The following AMOTL1 variants were observed in gnomAD, a reference collection of about 807,000 sequenced individuals.
AMOTL1 encodes angiomotin-like protein 1.
A neutral mutation model predicts 102.9 loss-of-function variants in AMOTL1; 45 were observed. The ratio of observed to expected loss-of-function variants is 0.44; its 90% CI spans 0.34 to 0.56. AMOTL1 has a LOEUF of 0.56. AMOTL1 is among the 20% of genes least tolerant of loss of function. The probability of loss-of-function intolerance (pLI) is 0.01; values close to 1 mark genes in which losing one functional copy is unlikely to be tolerated. For synonymous variants in AMOTL1, 481 were observed against 484.7 expected (o/e 0.99, Z 0.10); for missense variants, 1,114 against 1,225.6 (o/e 0.91, Z 1.36).
chr11:94,807,111 A>C (rs1403629101), intron 3 of AMOTL1, among the ~76,000 whole-genome samples: 1 of 152,174 alleles, frequency 6.6e-6, no homozygotes, highest in Non-Finnish European at 1.5e-5. Context: ...AAACATATTC[A>C]TTGCACAAAA....
intron 1 of AMOTL1, among the ~76,000 whole-genome samples, chr11:94,778,990 T>C (rs1951067345): frequency 6.6e-6 from 1 of 152,186 alleles, no homozygotes; most frequent in Admixed American, 6.5e-5. Context: ...ATTTTGGAAG[T>C]CACGTAGGGT....
At chr11:94,756,663 T>C (rs1452235205) in intron 3 of AMOTL1, among the ~76,000 whole-genome samples, 2 of 152,244 alleles carry the variant, frequency 1.3e-5, no homozygotes, top group Non-Finnish European at 2.9e-5. Flanking sequence ...CTCATTTCTT[T>C]CTAAAAGATT....
At chr11:94,750,819 GTTCAGCGTTGTTACAC>G (rs1359872303) in intron 3 of AMOTL1, among the ~76,000 whole-genome samples, 1 of 152,178 alleles carries the variant, frequency 6.6e-6, no homozygotes, top group African/African-American at 2.4e-5. Context: ...TCACAAAATA[GTTCAGCGTTGTTACAC>G]TTCCCCAAAT....
intron 2 of AMOTL1, among the ~76,000 whole-genome samples, chr11:94,733,941 G>C (rs975128659): frequency 2.0e-5 from 3 of 152,120 alleles, no homozygotes; most frequent in African/African-American, 7.2e-5. Context: ...ATGATATTGA[G>C]TGAAGATTCT....
intron 8 of AMOTL1, 55 bp from the exon 9 acceptor site, chr11:94,859,470 T>C: frequency 1.3e-6 from 2 of 1,525,698 alleles, no homozygotes; most frequent in Non-Finnish European, 1.8e-6. Context: ...TGGGCAGTTG[T>C]GTAGACAGCA....
intron 4 of AMOTL1, among the ~76,000 whole-genome samples, chr11:94,822,785 C>A (rs1951890584): frequency 6.6e-6 from 1 of 152,096 alleles, no homozygotes; most frequent in Non-Finnish European, 1.5e-5. Context: ...TTCATTATGC[C>A]CCTCAGGTCA....
intron 11 of AMOTL1, among the ~76,000 whole-genome samples, chr11:94,867,572 A>T (rs1447327035): frequency 1.1e-4 from 17 of 152,010 alleles, no homozygotes; most frequent in Admixed American, 1.1e-3. Flanking sequence ...ATTCCTCCTC[A>T]TTGTTGTCAT....
chr11:94,840,311 A>G (rs1952270746), intron 6 of AMOTL1, among the ~76,000 whole-genome samples: 3 of 152,178 alleles, frequency 2.0e-5, no homozygotes, highest in African/African-American at 7.2e-5. Context: ...TGAGGGGACA[A>G]AGTGTTTGTT....
chr11:94,747,708 TG>T (rs1467164523), intron 3 of AMOTL1, among the ~76,000 whole-genome samples: 1 of 152,134 alleles, frequency 6.6e-6, no homozygotes, highest in Admixed American at 6.5e-5. Context: ...AATGGTCAAA[TG>T]TAGAGTTGTC....
At chr11:94,827,724 G>A (rs186222529) in intron 4 of AMOTL1, among the ~76,000 whole-genome samples, 8 of 152,268 alleles carry the variant, frequency 5.3e-5, no homozygotes, top group Admixed American at 3.3e-4. Flanking sequence ...ATCTCAGCTC[G>A]GCTCCAGTTG....
intron 4 of AMOTL1, among the ~76,000 whole-genome samples, chr11:94,828,144 T>C (rs1952002055): frequency 6.6e-6 from 1 of 152,198 alleles, no homozygotes; most frequent in Non-Finnish European, 1.5e-5. Flanking sequence ...TTTAGTGAGC[T>C]TGTTTCTCTT....
intron 1 of AMOTL1, among the ~76,000 whole-genome samples, chr11:94,769,973 T>G (rs1387766615): frequency 1.3e-5 from 2 of 152,132 alleles, no homozygotes; most frequent in Non-Finnish European, 2.9e-5. Flanking sequence ...TAAACCAGAA[T>G]AGAGGGCTAT....
At chr11:94,805,329 A>C (rs903868805) in intron 3 of AMOTL1, among the ~76,000 whole-genome samples, 3 of 152,150 alleles carry the variant, frequency 2.0e-5, no homozygotes, top group African/African-American at 7.2e-5. Context: ...GATATCTGGG[A>C]AGACTGTCAC....
In AMOTL1 at chr11:94,795,005, C is replaced by T; in HGVS notation, c.50-6C>T. On this transcript the variant is annotated splice_region_variant and splice_polypyrimidine_tract_variant and intron_variant, in intron 1 of 12. Coordinates refer to ENST00000433060, the MANE Select transcript of AMOTL1 (RefSeq NM_130847.3). The stretch of plus-strand genomic sequence containing the variant: ...ACTCATATTCACTTCGCTTTCTTTC[C>T]CCCAGGGTCCCCTTCTGCTTGTTAT... 2 of 1,599,040 alleles carry T rather than the reference C, an allele frequency of 1.3e-6. No individual in the cohort carries two copies. The highest frequency in any genetic ancestry group is 1.7e-6 in the Non-Finnish European group (2 of 1,175,358).
intron 6 of AMOTL1, among the ~76,000 whole-genome samples, chr11:94,844,594 A>G (rs946700602): frequency 1.1e-4 from 16 of 152,244 alleles, no homozygotes; most frequent in Admixed American, 6.5e-5. Flanking sequence ...GCCAAAGGGC[A>G]GAAGGCAGAA....
chr11:94,826,408 C>T (rs988782732), intron 4 of AMOTL1, among the ~76,000 whole-genome samples: 2 of 152,152 alleles, frequency 1.3e-5, no homozygotes, highest in Middle Eastern at 3.2e-3. Context: ...ATATCTGAGA[C>T]TGGGTAATTT....
chr11:94,827,912 C>T (rs941240434), intron 4 of AMOTL1, among the ~76,000 whole-genome samples: 1 of 152,190 alleles, frequency 6.6e-6, no homozygotes, highest in African/African-American at 2.4e-5. Flanking sequence ...TGGTGCCCTG[C>T]CCCTCCTTTG....
chr11:94,743,222 C>G (rs192746259), intron 3 of AMOTL1, among the ~76,000 whole-genome samples: 1 of 152,134 alleles, frequency 6.6e-6, no homozygotes, highest in South Asian at 2.1e-4. Context: ...GGGTTGTGCC[C>G]GGGGATCCCT....
chr11:94,810,831 GACACACAC>G (rs3995610), intron 3 of AMOTL1, among the ~76,000 whole-genome samples: 1,795 of 143,714 alleles, frequency 0.012, 34 homozygotes, highest in South Asian at 0.037. Context: ...AAAAATAAAA[GACACACAC>G]ACACACACAC....
Sources: gnomAD v4.1 joint callset for allele counts (sites outside exome capture counted in the v4.1 genomes callset) on GRCh38, gnomAD v4.1.1 for gene constraint, MANE v1.5 for transcripts, NCBI Gene and HGNC (gene_info 2026-07-23, HGNC 2026-07-21) for gene names.